The following NEMP2 variants were observed in gnomAD, a reference collection of about 807,000 sequenced individuals.
NEMP2 encodes UPF0571 transmembrane protein.
In NEMP2, 53 loss-of-function variants were observed where a neutral mutation model predicts 54.2. The ratio of observed to expected loss-of-function variants is 0.98; its 90% CI spans 0.78 to 1.23. The LOEUF (loss-of-function observed/expected upper bound fraction) is 1.23. Ranked by LOEUF, NEMP2 falls within the 50% of genes most tolerant of loss-of-function variation. NEMP2 has a pLI of 0.00. For missense variants in NEMP2, 455 were observed against 511.3 expected (o/e 0.89, Z 1.06); for synonymous variants, 197 against 190.3 (o/e 1.04, Z -0.29).
chr2:190,599,793 C>T, the NEMP2 span, among the ~76,000 whole-genome samples: 2 of 152,122 alleles, frequency 1.3e-5, no homozygotes, highest in African/African-American at 4.8e-5. Flanking sequence ...AAAGATGGCA[C>T]GTGGGCCTAT....
the NEMP2 span, among the ~76,000 whole-genome samples, chr2:190,471,616 C>G: frequency 6.6e-6 from 1 of 152,176 alleles, no homozygotes; most frequent in Non-Finnish European, 1.5e-5. The surrounding 1 kb of genome is among the most constrained non-coding windows in gnomAD (Gnocchi z 4.7). Flanking sequence ...TGGGTGGAGC[C>G]CACCACAGCT....
At chr2:190,460,636 T>C in the NEMP2 span, among the ~76,000 whole-genome samples, 2 of 152,206 alleles carry the variant, frequency 1.3e-5, no homozygotes, top group Non-Finnish European at 2.9e-5. Flanking sequence ...AGGTTGTAGG[T>C]GCACTGTTAC....
chr2:190,517,556 G>T lies in NEMP2; in HGVS notation c.576C>A (p.Val192=). The T allele has an allele frequency of 6.4e-7, 1 of 1,550,624 alleles. No homozygotes were observed. Among genetic ancestry groups the T allele is most frequent in the Non-Finnish European group, 8.7e-7 (1 of 1,146,522 alleles). Residue 192 remains valine (V), a synonymous_variant, in exon 5 of 9, where the codon GTC becomes GTA. Coordinates refer to ENST00000409150, the MANE Select transcript of NEMP2 (RefSeq NM_001142645.2). ...ATCTTTTCACCAACAGCAAGACAAA[G>T]ACTAATGTCATTAGAACACCTAGCA... is the stretch of plus-strand genomic sequence containing the variant. ...GTVLGVLMTL[V]FVLLLVKRFI... is the part of the protein sequence containing the mutation.
At chr2:190,471,906 A>T in the NEMP2 span, among the ~76,000 whole-genome samples, 6 of 152,216 alleles carry the variant, frequency 3.9e-5, no homozygotes. The surrounding 1 kb of genome is among the most constrained non-coding windows in gnomAD (Gnocchi z 4.7). Context: ...CAGAGGAACG[A>T]TCAGGCAGCA....
At chr2:190,593,867 A>G in the NEMP2 span, among the ~76,000 whole-genome samples, 305 of 152,320 alleles carry the variant, frequency 2.0e-3, no homozygotes, top group African/African-American at 7.0e-3. The surrounding 1 kb of genome is among the most constrained non-coding windows in gnomAD (Gnocchi z 4.5). Context: ...TGTGACCTCA[A>G]CAGCTTCCCA....
At chr2:190,594,154 T>C in the NEMP2 span, among the ~76,000 whole-genome samples, 1 of 152,356 alleles carries the variant, frequency 6.6e-6, no homozygotes, top group South Asian at 2.1e-4. This position sits in a 1 kb window ranked among gnomAD's most constrained non-coding sequence, Gnocchi z 5.6. Context: ...TGAACTCATC[T>C]TGGGTCTTTC....
At chr2:190,539,306 A>G (rs780878180), upstream of NEMP2, among the ~76,000 whole-genome samples, 5 of 152,062 alleles carry the variant, frequency 3.3e-5, no homozygotes, top group Non-Finnish European at 7.4e-5. This position sits in a 1 kb window ranked among gnomAD's most constrained non-coding sequence, Gnocchi z 4.1. Context: ...CCATTGGTCT[A>G]TGTGTCTTTT....
chr2:190,577,693 T>C, the NEMP2 span, among the ~76,000 whole-genome samples: 3 of 151,994 alleles, frequency 2.0e-5, no homozygotes, highest in African/African-American at 4.8e-5. The surrounding 1 kb of genome is among the most constrained non-coding windows in gnomAD (Gnocchi z 4.8). Context: ...CTGGCCAACA[T>C]AGTGAAACCC....
At chr2:190,561,604 T>G in the NEMP2 span, among the ~76,000 whole-genome samples, 1 of 152,180 alleles carries the variant, frequency 6.6e-6, no homozygotes, top group Non-Finnish European at 1.5e-5. The surrounding 1 kb of genome is among the most constrained non-coding windows in gnomAD (Gnocchi z 5.4). Context: ...TCTCCAAATA[T>G]AGTCCCATTC....
At chr2:190,622,854 G>GA in the NEMP2 span, among the ~76,000 whole-genome samples, 3 of 151,150 alleles carry the variant, frequency 2.0e-5, no homozygotes, top group Non-Finnish European at 4.4e-5. Flanking sequence ...AATTAAGCTA[G>GA]AAAAAAAATA....
chr2:190,571,861 C>T, the NEMP2 span, among the ~76,000 whole-genome samples: 1 of 152,126 alleles, frequency 6.6e-6, no homozygotes, highest in Admixed American at 6.5e-5. Flanking sequence ...TCCCTGCCCT[C>T]CACACACACA....
At chr2:190,589,367 G>T in the NEMP2 span, among the ~76,000 whole-genome samples, 1 of 152,102 alleles carries the variant, frequency 6.6e-6, no homozygotes, top group Non-Finnish European at 1.5e-5. The surrounding 1 kb of genome is among the most constrained non-coding windows in gnomAD (Gnocchi z 4.3). Flanking sequence ...TTCCTATTTT[G>T]GGGTGAGTCT....
the NEMP2 span, among the ~76,000 whole-genome samples, chr2:190,479,325 A>G: frequency 6.6e-6 from 1 of 152,214 alleles, no homozygotes; most frequent in Non-Finnish European, 1.5e-5. Flanking sequence ...GGCAACTGGT[A>G]ATACCATATA....
At position 190,514,782 on chromosome 2, in the gene NEMP2, T is replaced by C. The variant is rs898811084; in HGVS notation, c.728-104A>G. 10 of 1,133,702 alleles carry C rather than the reference T, an allele frequency of 8.8e-6. No homozygotes were observed. Among genetic ancestry groups the C allele is most frequent in the Non-Finnish European group, 1.3e-5 (10 of 798,672 alleles). 70.2% of individuals were successfully genotyped at this position (1,133,702 alleles called of 1,614,324 possible). A position where few individuals can be genotyped will look rare whatever the true frequency, so the allele number is the denominator to read the frequency against. On this transcript the variant is annotated intron_variant, in intron 6 of 8. Coordinates refer to ENST00000409150, the MANE Select transcript of NEMP2 (RefSeq NM_001142645.2). This position sits in a 1 kb window ranked among gnomAD's most constrained non-coding sequence, Gnocchi z 5.7. ...AAAGGTAAAAACTATTAGAGAACCT[T>C]AATTTTTGTGTTTTTTACCCCATAA...
At chr2:190,446,641 T>C in the NEMP2 span, among the ~76,000 whole-genome samples, 1 of 152,108 alleles carries the variant, frequency 6.6e-6, no homozygotes. Context: ...AAGAAGCTAA[T>C]GAAACATGGA....
At chr2:190,473,313 C>A in the NEMP2 span, among the ~76,000 whole-genome samples, 13 of 152,178 alleles carry the variant, frequency 8.5e-5, 1 homozygote, top group African/African-American at 3.1e-4. Context: ...AGAGTCAAAA[C>A]CCATCAGTGT....
At chr2:190,516,857 AAGGC>A (rs1277643860) in intron 5 of NEMP2, among the ~76,000 whole-genome samples, 1 of 152,134 alleles carries the variant, frequency 6.6e-6, no homozygotes, top group African/African-American at 2.4e-5. Flanking sequence ...TTGGGAGGCC[AAGGC>A]AGGCAGATCG....
the NEMP2 span, among the ~76,000 whole-genome samples, chr2:190,561,529 C>T: frequency 6.6e-6 from 1 of 152,172 alleles, no homozygotes; most frequent in Non-Finnish European, 1.5e-5. The surrounding 1 kb of genome is among the most constrained non-coding windows in gnomAD (Gnocchi z 5.4). Context: ...GGAAACCAGT[C>T]AGTTTGGACT....
chr2:190,457,251 G>A, the NEMP2 span, among the ~76,000 whole-genome samples: 8 of 152,080 alleles, frequency 5.3e-5, no homozygotes, highest in Admixed American at 2.0e-4. The surrounding 1 kb of genome is among the most constrained non-coding windows in gnomAD (Gnocchi z 5.1). Context: ...TTGTGGCCCC[G>A]GTCCACCCCT....
Sources: gnomAD v4.1 joint callset for allele counts (sites outside exome capture counted in the v4.1 genomes callset) on GRCh38, gnomAD v4.1.1 for gene constraint, Gnocchi (gnomAD v3.1) non-coding constraint, MANE v1.5 for transcripts, NCBI Gene and HGNC (gene_info 2026-07-23, HGNC 2026-07-21) for gene names.